FGF1: variants seen among roughly 807,000 people sequenced by gnomAD.
FGF1 encodes the protein beta-endothelial cell growth factor.
A neutral mutation model predicts 13.4 loss-of-function variants in FGF1; 9 were observed. The ratio of observed to expected loss-of-function variants is 0.67; its 90% CI spans 0.40 to 1.17. FGF1 has a LOEUF of 1.17. Among genes scored for constraint, FGF1 ranks in the 50% most tolerant of loss-of-function variants. The pLI is 0.01. For missense variants in FGF1, 156 were observed against 192.7 expected (o/e 0.81, Z 1.13); for synonymous variants, 93 against 79.0 (o/e 1.18, Z -0.94).
At chr5:142,615,757 G>A (rs578102928) in intron 1 of FGF1, among the ~76,000 whole-genome samples, 7 of 152,328 alleles carry the variant, frequency 4.6e-5, no homozygotes, top group East Asian at 1.9e-4. Context: ...GCTAGTAAGC[G>A]ATGGAGCTGA....
At chr5:142,618,936 T>G (rs930838727) in intron 1 of FGF1, among the ~76,000 whole-genome samples, 2 of 133,480 alleles carry the variant, frequency 1.5e-5, no homozygotes, top group Non-Finnish European at 3.1e-5. Flanking sequence ...TTTGTTTTTT[T>G]TTTTTTTTTT....
At chr5:142,616,384 A>C (rs1287105268) in intron 1 of FGF1, among the ~76,000 whole-genome samples, 1 of 152,208 alleles carries the variant, frequency 6.6e-6, no homozygotes, top group Non-Finnish European at 1.5e-5. Context: ...ACTATATTTA[A>C]AGTCAGATCA....
chr5:142,599,140 G>A (rs1027131856), intron 3 of FGF1, among the ~76,000 whole-genome samples: 2 of 152,168 alleles, frequency 1.3e-5, no homozygotes, highest in Non-Finnish European at 1.5e-5. Flanking sequence ...GTGGGTAAGT[G>A]ACTTGCCAGA....
At chr5:142,602,558 G>A (rs1263345823) in intron 2 of FGF1, among the ~76,000 whole-genome samples, 1 of 152,130 alleles carries the variant, frequency 6.6e-6, no homozygotes, top group Admixed American at 6.5e-5. Flanking sequence ...GAAAAGCTTC[G>A]TTCTGGAGTG....
At chr5:142,612,831 C>T (rs1215204852) in intron 2 of FGF1, among the ~76,000 whole-genome samples, 1 of 152,120 alleles carries the variant, frequency 6.6e-6, no homozygotes, top group African/African-American at 2.4e-5. Context: ...AGCATCCATC[C>T]CCATTACCTG....
intron 2 of FGF1, among the ~76,000 whole-genome samples, chr5:142,607,498 C>T (rs995612199): frequency 5.3e-5 from 8 of 152,144 alleles, no homozygotes; most frequent in African/African-American, 1.7e-4. Context: ...GGGACATTAA[C>T]AATTAATTTA....
intron 3 of FGF1, among the ~76,000 whole-genome samples, chr5:142,598,800 A>C (rs1228136578): frequency 6.6e-6 from 1 of 152,198 alleles, no homozygotes; most frequent in Non-Finnish European, 1.5e-5. Context: ...AGTGATGGCC[A>C]CGGCTATGGT....
chr5:142,669,565 A>G (rs1273851310), intron 1 of FGF1, among the ~76,000 whole-genome samples: 3 of 152,196 alleles, frequency 2.0e-5, no homozygotes, highest in East Asian at 1.9e-4. Flanking sequence ...TCGGGCATAG[A>G]GGGACCGGAA....
chr5:142,595,473 A>G lies in FGF1; in HGVS notation c.285T>C (p.Asn95=). Residue 95 remains asparagine, a synonymous_variant, in exon 4 of 4, where the codon AAT becomes AAC. Coordinates refer to ENST00000337706, the MANE Select transcript of FGF1 (RefSeq NM_000800.5). The part of the protein sequence containing the change: ...DGLLYGSQTP[N]EECLFLERLE... ...GCCTTTCCAGGAACAAACATTCCTC[A>G]TTTGGTGTCTGCTAAAAAGATAAAA... The G allele has an allele frequency of 6.2e-7, 1 of 1,613,362 alleles. No individual in the cohort carries two copies. Among genetic ancestry groups the G allele is most frequent in the Non-Finnish European group, 8.5e-7 (1 of 1,179,648 alleles).
intron 1 of FGF1, among the ~76,000 whole-genome samples, chr5:142,670,519 T>C (rs1047573944): frequency 6.6e-6 from 1 of 152,224 alleles, no homozygotes; most frequent in Non-Finnish European, 1.5e-5. Context: ...TCATTCTTTC[T>C]ACAATTGAGT....
At chr5:142,600,385 C>T (rs1435626455) in intron 3 of FGF1, among the ~76,000 whole-genome samples, 2 of 151,978 alleles carry the variant, frequency 1.3e-5, no homozygotes, top group Non-Finnish European at 2.9e-5. Context: ...GAAAGAAAAA[C>T]ATTTTTGGAA....
At chr5:142,624,190 GATTACAGGCGTGAGCCACCA>G (rs1335376159) in intron 1 of FGF1, among the ~76,000 whole-genome samples, 2 of 152,166 alleles carry the variant, frequency 1.3e-5, no homozygotes, top group African/African-American at 4.8e-5. Flanking sequence ...AAAGGGCTGG[GATTACAGGCGTGAGCCACCA>G]TGCCCGGCTG....
At chr5:142,687,858 G>A (rs1751508506), upstream of FGF1, among the ~76,000 whole-genome samples, 1 of 152,182 alleles carries the variant, frequency 6.6e-6, no homozygotes, top group Non-Finnish European at 1.5e-5. Context: ...CCTGCACTGT[G>A]TGGTTGGCCA....
At chr5:142,615,461 A>G (rs985408128) in intron 1 of FGF1, among the ~76,000 whole-genome samples, 4 of 152,190 alleles carry the variant, frequency 2.6e-5, no homozygotes, top group African/African-American at 9.7e-5. Flanking sequence ...TGACCTCGTG[A>G]TCCGCCTGCC....
chr5:142,674,922 C>T (rs959091274), intron 1 of FGF1, among the ~76,000 whole-genome samples: 2 of 152,144 alleles, frequency 1.3e-5, no homozygotes, highest in African/African-American at 4.8e-5. Flanking sequence ...CCTTGGCTCA[C>T]CCTCCCTCTG....
intron 1 of FGF1, 120 bp from the exon 2 acceptor site, chr5:142,614,281 G>A (rs1397499778): frequency 1.4e-6 from 1 of 729,620 alleles, no homozygotes; most frequent in Non-Finnish European, 2.2e-6. Context: ...AGCACAGCCT[G>A]CCCAGGTGAT....
At chr5:142,623,746 A>ATT (rs11395953) in intron 1 of FGF1, among the ~76,000 whole-genome samples, 41,007 of 145,908 alleles carry the variant, frequency 0.28, 6,173 homozygotes, top group Non-Finnish European at 0.35. Context: ...CATTAAAAAA[A>ATT]TTTTTTTTTT....
At chr5:142,660,748 A>T (rs1054435972) in intron 1 of FGF1, among the ~76,000 whole-genome samples, 1 of 152,220 alleles carries the variant, frequency 6.6e-6, no homozygotes, top group Admixed American at 6.5e-5. Context: ...CATACCCCAT[A>T]GCCCAGTGAC....
chr5:142,637,898 G>C (rs1331620405), intron 1 of FGF1, among the ~76,000 whole-genome samples: 1 of 152,066 alleles, frequency 6.6e-6, no homozygotes, highest in Non-Finnish European at 1.5e-5. Context: ...GGGTGGACCA[G>C]CTGGCTCTCA....
Sources: gnomAD v4.1 joint callset for allele counts (sites outside exome capture counted in the v4.1 genomes callset) on GRCh38, gnomAD v4.1.1 for gene constraint, MANE v1.5 for transcripts, NCBI Gene and HGNC (gene_info 2026-07-23, HGNC 2026-07-21) for gene names.